Variants in THSD7A observed in about 807,000 individuals in gnomAD.
THSD7A encodes thrombospondin type 1 domain containing 7A.
A neutral mutation model predicts 231.3 loss-of-function variants in THSD7A; 96 were observed. The observed-to-expected ratio is 0.41, with a 90% confidence interval of 0.35 to 0.49. The LOEUF (loss-of-function observed/expected upper bound fraction) is 0.49, where lower values mean the gene tolerates loss of function less well. Among genes scored for constraint, THSD7A ranks in the 20% least tolerant of loss-of-function variants. The probability of loss-of-function intolerance (pLI) is 0.05; values close to 1 mark genes in which losing one functional copy is unlikely to be tolerated. For missense variants in THSD7A, 2,290 were observed against 2,070.2 expected (o/e 1.11, Z -2.06); for synonymous variants, 940 against 743.3 (o/e 1.26, Z -4.30).
At chr7:11,549,955 C>T (rs1277381534) in intron 4 of THSD7A, among the ~76,000 whole-genome samples, 1 of 152,006 alleles carries the variant, frequency 6.6e-6, no homozygotes, top group African/African-American at 2.4e-5. Flanking sequence ...CTCACCACTC[C>T]TATTCAAAAT....
At chr7:11,773,848 C>G (rs929515323) in intron 1 of THSD7A, among the ~76,000 whole-genome samples, 2 of 151,798 alleles carry the variant, frequency 1.3e-5, no homozygotes, top group East Asian at 3.9e-4. Context: ...TAATAAAAAG[C>G]CTGTTATTAA....
chr7:11,826,812 CAAAAAAAAA>C (rs3037773), intron 1 of THSD7A, among the ~76,000 whole-genome samples: 1 of 120,796 alleles, frequency 8.3e-6, no homozygotes, highest in Non-Finnish European at 1.7e-5. Context: ...GCCTCTGTCT[CAAAAAAAAA>C]AAAAAAAAAA....
At chr7:11,534,012 T>C (rs1788813860) in intron 6 of THSD7A, among the ~76,000 whole-genome samples, 1 of 152,166 alleles carries the variant, frequency 6.6e-6, no homozygotes, top group Non-Finnish European at 1.5e-5. Flanking sequence ...TGAAGGGAAT[T>C]AGTGGAAGAT....
At chr7:11,756,178 G>A (rs199993371) in intron 1 of THSD7A, among the ~76,000 whole-genome samples, 2 of 151,964 alleles carry the variant, frequency 1.3e-5, no homozygotes, top group East Asian at 3.9e-4. Context: ...CATCTATTAT[G>A]TTACTAAAAG....
intron 17 of THSD7A, among the ~76,000 whole-genome samples, chr7:11,413,024 TACAC>T (rs1399051249): frequency 6.6e-6 from 1 of 152,118 alleles, no homozygotes; most frequent in African/African-American, 2.4e-5. Flanking sequence ...CAAATGTTAA[TACAC>T]ACATCACCTC....
chr7:11,603,464 G>T (rs1780622877), intron 2 of THSD7A, among the ~76,000 whole-genome samples: 1 of 152,076 alleles, frequency 6.6e-6, no homozygotes, highest in Non-Finnish European at 1.5e-5. Context: ...GTGGAAGTCA[G>T]TGTGGCGATT....
At chr7:11,526,834 C>A (rs1016060563) in intron 6 of THSD7A, among the ~76,000 whole-genome samples, 1 of 152,118 alleles carries the variant, frequency 6.6e-6, no homozygotes, top group African/African-American at 2.4e-5. Context: ...AGTATCTTTA[C>A]AGCAGTGTGA....
rs1270666752 is a variant in THSD7A, at chr7:11,371,432, G to A, written c.*4362C>T. On this transcript the variant is annotated 3_prime_UTR_variant, in exon 28 of 28. Transcript: ENST00000423059. ...TCACATTCTGACAAGATTCCTCACA[G>A]ATTTGCTCAAGGACTACTGTTTTTT... 1.3e-5 allele frequency: 2 copies of A among 152,158 alleles called. No homozygotes were observed. Among genetic ancestry groups the A allele is most frequent in the Non-Finnish European group, 2.9e-5 (2 of 68,040 alleles). The allele number at this position is 152,158 out of a possible 1,614,324, so 9.4% of individuals were successfully genotyped here.
At chr7:11,544,717 C>A (rs1295172128) in intron 4 of THSD7A, among the ~76,000 whole-genome samples, 2 of 152,128 alleles carry the variant, frequency 1.3e-5, no homozygotes, top group East Asian at 1.9e-4. Flanking sequence ...CCTCTTACTA[C>A]CACAGTTTTT....
At chr7:11,818,941 T>C (rs1406423486) in intron 1 of THSD7A, among the ~76,000 whole-genome samples, 1 of 152,108 alleles carries the variant, frequency 6.6e-6, no homozygotes, top group Non-Finnish European at 1.5e-5. Context: ...AAAAGTGGAA[T>C]ATGTGCAGCA....
At chr7:11,472,125 TA>T (rs1432953654) in intron 8 of THSD7A, among the ~76,000 whole-genome samples, 1 of 152,154 alleles carries the variant, frequency 6.6e-6, no homozygotes, top group African/African-American at 2.4e-5. Context: ...TTATACAGCC[TA>T]AATTACATCC....
intron 11 of THSD7A, among the ~76,000 whole-genome samples, chr7:11,460,072 T>G (rs1394045123): frequency 6.6e-6 from 1 of 152,078 alleles, no homozygotes; most frequent in Non-Finnish European, 1.5e-5. Flanking sequence ...ATGGCAAAGT[T>G]GAACATTCTC....
At chr7:11,792,842 G>A (rs1005687559) in intron 1 of THSD7A, among the ~76,000 whole-genome samples, 4 of 151,884 alleles carry the variant, frequency 2.6e-5, no homozygotes, top group African/African-American at 9.7e-5. Flanking sequence ...CACAGAAGGA[G>A]CCATACATAA....
chr7:11,687,817 C>T (rs930865640), intron 1 of THSD7A, among the ~76,000 whole-genome samples: 15 of 151,712 alleles, frequency 9.9e-5, no homozygotes, highest in Non-Finnish European at 1.9e-4. Flanking sequence ...TGTAGCTCAG[C>T]GGGAGAGCTT....
At chr7:11,456,206 C>A (rs1415923149) in intron 11 of THSD7A, among the ~76,000 whole-genome samples, 2 of 151,926 alleles carry the variant, frequency 1.3e-5, no homozygotes, top group African/African-American at 4.8e-5. Flanking sequence ...TCTGAATGTC[C>A]AGCTTTTGAG....
intron 13 of THSD7A, among the ~76,000 whole-genome samples, chr7:11,445,630 C>A (rs909056513): frequency 6.6e-6 from 1 of 151,792 alleles, no homozygotes; most frequent in African/African-American, 2.4e-5. Flanking sequence ...ACATTTTGTG[C>A]ATATTGCAAA....
At chr7:11,580,095 T>G (rs1394928296) in intron 4 of THSD7A, among the ~76,000 whole-genome samples, 2 of 152,184 alleles carry the variant, frequency 1.3e-5, no homozygotes, top group African/African-American at 4.8e-5. Context: ...GCATAAGCTT[T>G]GGGTCCCAAA....
intron 3 of THSD7A, among the ~76,000 whole-genome samples, chr7:11,593,042 A>G (rs561573083): frequency 6.6e-6 from 1 of 152,324 alleles, no homozygotes; most frequent in Non-Finnish European, 1.5e-5. Context: ...TATAGAAAAT[A>G]CATAAACATA....
At chr7:11,565,076 T>C (rs1370932268) in intron 4 of THSD7A, among the ~76,000 whole-genome samples, 1 of 152,174 alleles carries the variant, frequency 6.6e-6, no homozygotes, top group Non-Finnish European at 1.5e-5. Context: ...TGTTGTAGAA[T>C]AGTGTACATA....
Sources: gnomAD v4.1 joint callset for allele counts (sites outside exome capture counted in the v4.1 genomes callset) on GRCh38, gnomAD v4.1.1 for gene constraint, MANE v1.5 for transcripts, NCBI Gene and HGNC (gene_info 2026-07-23, HGNC 2026-07-21) for gene names.